The following CEP85L variants were observed in gnomAD, a reference collection of about 807,000 sequenced individuals.
CEP85L encodes centrosomal protein of 85 kDa-like.
A neutral mutation model predicts 100.3 loss-of-function variants in CEP85L; 60 were observed. That is an observed-to-expected ratio of 0.60 (90% CI 0.49 to 0.74). The LOEUF is 0.74. CEP85L is among the 30% of genes least tolerant of loss of function. CEP85L has a pLI of 0.00. For synonymous variants in CEP85L, 319 were observed against 322.7 expected (o/e 0.99, Z 0.12); for missense variants, 973 against 936.2 (o/e 1.04, Z -0.51).
At chr6:118,542,891 A>C (rs1252899305) in intron 3 of CEP85L, among the ~76,000 whole-genome samples, 1 of 114,970 alleles carries the variant, frequency 8.7e-6, no homozygotes, top group Non-Finnish European at 1.7e-5. Flanking sequence ...CAACATCACC[A>C]AGTTTTCCCA....
At chr6:118,708,801 T>G (rs1421719246) in intron 1 of CEP85L, among the ~76,000 whole-genome samples, 1 of 152,178 alleles carries the variant, frequency 6.6e-6, no homozygotes, top group Non-Finnish European at 1.5e-5. Flanking sequence ...CTACCATTTT[T>G]CAGGCGAAAG....
chr6:118,656,419 A>T (rs1196220176), upstream of CEP85L, among the ~76,000 whole-genome samples: 1 of 152,186 alleles, frequency 6.6e-6, no homozygotes, highest in Non-Finnish European at 1.5e-5. Flanking sequence ...AGTTGGAAAG[A>T]TACGATGTTA....
chr6:118,640,016 T>C (rs1460926259), intron 1 of CEP85L, among the ~76,000 whole-genome samples: 1 of 152,192 alleles, frequency 6.6e-6, no homozygotes, highest in East Asian at 1.9e-4. Context: ...TTTAAGGTAA[T>C]TTTAAATAAT....
intron 5 of CEP85L, among the ~76,000 whole-genome samples, chr6:118,503,122 A>G (rs529299617): frequency 1.3e-5 from 2 of 152,354 alleles, no homozygotes; most frequent in East Asian, 3.9e-4. Context: ...AACACACAAA[A>G]GTCAATCATT....
At chr6:118,486,081 C>T (rs1048815944) in intron 6 of CEP85L, among the ~76,000 whole-genome samples, 4 of 152,214 alleles carry the variant, frequency 2.6e-5, no homozygotes, top group Non-Finnish European at 5.9e-5. Context: ...CTACGAGACA[C>T]TGTCTCTGTT....
rs1046477578 is a variant in CEP85L at position 118,468,995 on chromosome 6, A to G, written c.2254+77T>C. The G allele has an allele frequency of 3.6e-5, 33 of 922,966 alleles. No individual in the cohort carries two copies. In the African/African-American group the frequency reaches 4.3e-4, roughly 12 times the overall value. 57.2% of individuals were successfully genotyped at this position (922,966 alleles called of 1,614,324 possible). A position where few individuals can be genotyped will look rare whatever the true frequency, so the allele number is the denominator to read the frequency against. On this transcript the variant is annotated intron_variant, in intron 12 of 12. Coordinates refer to ENST00000368491, the MANE Select transcript of CEP85L (RefSeq NM_001042475.3). The stretch of plus-strand genomic sequence containing the variant: ...GAGATTACAAAAATAAACAGAGAAA[A>G]GGCAGTCGGAAGTTCCTGATTCATG...
intron 2 of CEP85L, among the ~76,000 whole-genome samples, chr6:118,620,416 CA>C (rs551436757): frequency 6.6e-6 from 1 of 152,044 alleles, no homozygotes; most frequent in African/African-American, 2.4e-5. Context: ...TCAGAAAGGA[CA>C]AAAAATGGAG....
At chr6:118,667,901 C>T (rs988491153) in intron 1 of CEP85L, among the ~76,000 whole-genome samples, 4 of 152,044 alleles carry the variant, frequency 2.6e-5, no homozygotes, top group Non-Finnish European at 5.9e-5. Flanking sequence ...AATGGTTCTG[C>T]AAAAATACTG....
At chr6:118,556,902 G>A (rs1778911996) in intron 3 of CEP85L, among the ~76,000 whole-genome samples, 1 of 152,044 alleles carries the variant, frequency 6.6e-6, no homozygotes, top group African/African-American at 2.4e-5. Context: ...TAATTTTTCT[G>A]TAATGACATG....
chr6:118,639,581 C>A (rs1008258662), intron 1 of CEP85L, among the ~76,000 whole-genome samples: 2 of 152,140 alleles, frequency 1.3e-5, no homozygotes, highest in Non-Finnish European at 2.9e-5. Flanking sequence ...CTCCAGGTGG[C>A]ATTAAATACT....
At chr6:118,617,212 AG>A in intron 2 of CEP85L, among the ~76,000 whole-genome samples, 1 of 152,182 alleles carries the variant, frequency 6.6e-6, no homozygotes, top group African/African-American at 2.4e-5. Flanking sequence ...AATAATATTG[AG>A]GTATAATATA....
intron 3 of CEP85L, among the ~76,000 whole-genome samples, chr6:118,546,420 A>G (rs745681792): frequency 2.0e-5 from 3 of 152,102 alleles, no homozygotes; most frequent in Non-Finnish European, 4.4e-5. Flanking sequence ...TACTAATTCT[A>G]TTTTCTTAGA....
Position 118,600,301 on chromosome 6 carries a change from GTGTGTGTGTGTGT to G in CEP85L, c.232+32139_232+32151del, listed in dbSNP as rs1485436082. Among the ~76,000 whole-genome samples the G allele has an allele frequency of 1.2e-3, 38 of 30,442 alleles. 5 individuals carry two copies. Among genetic ancestry groups the G allele is most frequent in the Admixed American group, 2.2e-3 (6 of 2,668 alleles). The allele number at this position is 30,442 out of a possible 152,430, so 20.0% of individuals were successfully genotyped here. On this transcript the variant is annotated intron_variant, in intron 2 of 12. Coordinates refer to ENST00000368491, the MANE Select transcript of CEP85L (RefSeq NM_001042475.3). The stretch of plus-strand genomic sequence containing the variant: ...TGCCTGTCCCTGAGCCTTCCTGGGG[GTGTGTGTGTGTGT>G]GTGTGTGTGTGTGTGTGTGTGTGTG...
chr6:118,575,286 A>G (rs1780156818), intron 2 of CEP85L, among the ~76,000 whole-genome samples: 1 of 152,220 alleles, frequency 6.6e-6, no homozygotes, highest in Non-Finnish European at 1.5e-5. Flanking sequence ...CAAACATAAA[A>G]AGAAGCAACA....
chr6:118,678,349 C>T (rs928178766), intron 1 of CEP85L, among the ~76,000 whole-genome samples: 1 of 152,290 alleles, frequency 6.6e-6, no homozygotes, highest in Admixed American at 6.5e-5. Flanking sequence ...GGAAGAAAGA[C>T]TTGGGTAATG....
rs564472133 is a variant in CEP85L at position 118,474,331 on chromosome 6, A to G, written c.1915-3687T>C. On this transcript the variant is annotated intron_variant, in intron 10 of 12. Coordinates refer to ENST00000368491, the MANE Select transcript of CEP85L (RefSeq NM_001042475.3). ...CACATCTCATTGGGATGGAAATTCT[A>G]CTTCAGACTGACAGAGCCAATAACA... Among the ~76,000 whole-genome samples, 6 of 152,312 alleles carry G rather than the reference A, an allele frequency of 3.9e-5. No individual in the cohort carries two copies. In the South Asian group the frequency reaches 1.0e-3, roughly 26 times the overall value.
chr6:118,497,749 G>A (rs1452486007), intron 5 of CEP85L, among the ~76,000 whole-genome samples: 1 of 152,158 alleles, frequency 6.6e-6, no homozygotes, highest in South Asian at 2.1e-4. Context: ...AAAGCCTTCA[G>A]AGAGAAGGGA....
intron 3 of CEP85L, among the ~76,000 whole-genome samples, chr6:118,538,316 A>G (rs1409853549): frequency 1.3e-5 from 2 of 151,930 alleles, no homozygotes; most frequent in Non-Finnish European, 2.9e-5. Flanking sequence ...TCCTAATATG[A>G]TTTACTGAAA....
chr6:118,646,592 C>G (rs967542005), intron 1 of CEP85L, among the ~76,000 whole-genome samples: 1 of 151,900 alleles, frequency 6.6e-6, no homozygotes, highest in Non-Finnish European at 1.5e-5. Flanking sequence ...TCGCTTGAAC[C>G]CCGGAGACGG....
Sources: allele counts gnomAD v4.1 joint callset (sites outside exome capture counted in the v4.1 genomes callset), GRCh38; gene constraint gnomAD v4.1.1; transcripts MANE v1.5; gene names NCBI Gene and HGNC (gene_info 2026-07-23, HGNC 2026-07-21).